PIK3CB: variants seen among roughly 807,000 people sequenced by gnomAD.
PIK3CB encodes phosphatidylinositol 4,5-bisphosphate 3-kinase catalytic subunit beta isoform.
PIK3CB carries 39 observed loss-of-function variants against 136.8 expected under a neutral mutation model. The observed-to-expected ratio is 0.29, with a 90% confidence interval of 0.22 to 0.37. The LOEUF (loss-of-function observed/expected upper bound fraction) is 0.37, where lower values mean the gene tolerates loss of function less well. PIK3CB is among the 10% of genes least tolerant of loss of function. The pLI is 1.00. For synonymous variants in PIK3CB, 428 were observed against 436.6 expected, an observed-to-expected ratio of 0.98 and a Z score of 0.25; for missense variants, 868 against 1,275.4, an observed-to-expected ratio of 0.68 and a Z score of 4.87.
chr3:138,727,757 C>A (rs1006711179), intron 8 of PIK3CB, among the ~76,000 whole-genome samples: 3 of 152,202 alleles, frequency 2.0e-5, no homozygotes, highest in Admixed American at 6.5e-5. Context: ...AAAACAAATT[C>A]TCTGAAAGAC....
intron 19 of PIK3CB, among the ~76,000 whole-genome samples, chr3:138,669,653 A>G (rs990276608): frequency 6.6e-6 from 1 of 152,164 alleles, no homozygotes; most frequent in African/African-American, 2.4e-5. Flanking sequence ...TAACACATCA[A>G]TGTCTTATAA....
chr3:138,826,028 T>C, intron 1 of PIK3CB: 1 of 1,379,120 alleles, frequency 7.3e-7, no homozygotes, highest in Non-Finnish European at 1.0e-6. Flanking sequence ...TGTACTGGAT[T>C]GTCACACAGC....
At chr3:138,788,978 A>AC (rs2046016211) in intron 2 of PIK3CB, among the ~76,000 whole-genome samples, 1 of 150,676 alleles carries the variant, frequency 6.6e-6, no homozygotes, top group Non-Finnish European at 1.5e-5. Context: ...AAAAAAAAAA[A>AC]AAAAAAAAAA....
intron 2 of PIK3CB, 111 bp from the exon 3 acceptor site, chr3:138,759,470 T>C (rs2045631302): frequency 1.6e-6 from 1 of 627,238 alleles, no homozygotes; most frequent in African/African-American, 1.8e-5. Context: ...ATATAGCCAA[T>C]AATGTAACAG....
intron 21 of PIK3CB, 125 bp downstream of exon 21, chr3:138,663,780 TG>T: frequency 3.4e-6 from 3 of 880,560 alleles, no homozygotes; most frequent in Non-Finnish European, 5.3e-6. Flanking sequence ...AGTGAGAAAT[TG>T]AAGTAAAGAC....
chr3:138,708,681 G>A (rs115354634), intron 10 of PIK3CB, among the ~76,000 whole-genome samples: 8 of 150,176 alleles, frequency 5.3e-5, no homozygotes, highest in African/African-American at 9.8e-5. Context: ...AGCCCCAAAC[G>A]ATCCTCCTGC....
At chr3:138,675,455 C>T (rs1407633868) in intron 19 of PIK3CB, among the ~76,000 whole-genome samples, 7 of 151,914 alleles carry the variant, frequency 4.6e-5, no homozygotes, top group Non-Finnish European at 1.0e-4. Flanking sequence ...ATATATATGT[C>T]CAGGATGCTC....
In PIK3CB at chr3:138,764,868, C is replaced by T. The variant is rs80044846; in HGVS notation, c.-16-5509G>A. 3.8e-3 allele frequency among the ~76,000 whole-genome samples: 574 copies of T among 152,346 alleles called. 5 individuals carry two copies. Among genetic ancestry groups the T allele is most frequent in the African/African-American group, 0.013 (551 of 41,576 alleles). Reference sequence around the variant, plus strand: ...CTCGGTGTGTCTCAAGCACCCAGGACATACCTGTGACAACACTGGAGCACA... The same window carrying T: ...CTCGGTGTGTCTCAAGCACCCAGGATATACCTGTGACAACACTGGAGCACA... On this transcript the variant is annotated intron_variant, in intron 2 of 23. Transcript: ENST00000674063.
intron 23 of PIK3CB, 67 bp downstream of exon 23, chr3:138,656,075 A>T: frequency 6.5e-7 from 1 of 1,529,922 alleles, no homozygotes; most frequent in Non-Finnish European, 9.0e-7. Flanking sequence ...CACTTGAATA[A>T]AACAGGCAGC....
Position 138,733,381 on chromosome 3 carries a change from TAA to T in PIK3CB, c.1028_1029del (p.Leu343GlnfsTer19). The T allele has an allele frequency of 1.3e-6, 2 of 1,563,148 alleles. No homozygotes were observed. The highest frequency in any genetic ancestry group is 1.8e-6 in the Non-Finnish European group (2 of 1,136,604). On this transcript the variant is annotated frameshift_variant, in exon 8 of 24. Coordinates refer to ENST00000674063, the MANE Select transcript of PIK3CB (RefSeq NM_006219.3). LOFTEE classifies it high-confidence loss of function. ...FQIVLVKGNK[L>X]NTEETVKVHV... is the part of the protein sequence containing the mutation. ...CTCACTTTTACAGTTTCCTCTGTGT[TAA>T]GTTTATTTCCCTTAACCAAGACAAT... is the stretch of plus-strand genomic sequence containing the variant.
chr3:138,798,296 C>T (rs1277635778), intron 1 of PIK3CB, among the ~76,000 whole-genome samples: 1 of 152,150 alleles, frequency 6.6e-6, no homozygotes, highest in Admixed American at 6.5e-5. Flanking sequence ...TCCCAGGTAG[C>T]TGGGACTAGA....
intron 2 of PIK3CB, among the ~76,000 whole-genome samples, chr3:138,781,302 A>C (rs2045920717): frequency 6.6e-6 from 1 of 151,758 alleles, no homozygotes; most frequent in Non-Finnish European, 1.5e-5. Context: ...AAAAAAAAAA[A>C]AAACAACAAA....
chr3:138,742,852 G>T, intron 4 of PIK3CB, 71 bp from the exon 5 acceptor site: 2 of 816,408 alleles, frequency 2.4e-6, no homozygotes, highest in African/African-American at 1.8e-5. Flanking sequence ...AGAATACAAA[G>T]TATATTCAAC....
intron 2 of PIK3CB, among the ~76,000 whole-genome samples, chr3:138,767,117 T>C (rs1411424597): frequency 1.3e-5 from 2 of 152,056 alleles, no homozygotes; most frequent in African/African-American, 4.8e-5. Flanking sequence ...GAAGTTGCAG[T>C]GAGCCAAGAT....
Position 138,684,817 on chromosome 3 carries a change from T to A in PIK3CB, c.2137-14A>T, listed in dbSNP as rs763297549. The A allele has an allele frequency of 1.3e-6, 2 of 1,591,756 alleles. No homozygotes were observed. The highest frequency in any genetic ancestry group is 2.2e-5 in the South Asian group (2 of 89,138). On this transcript the variant is annotated splice_polypyrimidine_tract_variant and intron_variant, in intron 16 of 23. Transcript: ENST00000674063. ...GAGTGCTTCAACCTGAAAAATAAGT[T>A]CCCCACACCAAAAATTCATTTGACT...
At chr3:138,681,695 T>C (rs2043785776) in intron 19 of PIK3CB, among the ~76,000 whole-genome samples, 2 of 152,308 alleles carry the variant, frequency 1.3e-5, no homozygotes, top group South Asian at 4.1e-4. Context: ...TTCAACACCA[T>C]AGGTTGGAAT....
In PIK3CB at chr3:138,700,907, T is replaced by C. The variant is rs1301903966; in HGVS notation, c.1582-1812A>G. ...AAGTGGGTGACAGCTTGATCTGAAA[T>C]AGAATGTTTACTTAGTGTCAAAATA... is the stretch of plus-strand genomic sequence containing the variant. On this transcript the variant is annotated intron_variant, in intron 12 of 23. Coordinates refer to ENST00000674063, the MANE Select transcript of PIK3CB (RefSeq NM_006219.3). 3.9e-5 allele frequency among the ~76,000 whole-genome samples: 6 copies of C among 152,148 alleles called. No homozygotes were observed. The South Asian group carries it at 8.3e-4, about 21-fold the overall frequency.
chr3:138,761,856 C>T (rs1196359568), intron 2 of PIK3CB, among the ~76,000 whole-genome samples: 4 of 151,822 alleles, frequency 2.6e-5, no homozygotes, highest in Admixed American at 1.3e-4. Context: ...AGAAGAATCA[C>T]TTGAACCAGG....
intron 1 of PIK3CB, among the ~76,000 whole-genome samples, chr3:138,808,109 T>A (rs2046253972): frequency 6.6e-6 from 1 of 152,142 alleles, no homozygotes; most frequent in African/African-American, 2.4e-5. Context: ...TTTCTCCCTA[T>A]GACATATGGT....
Sources: gnomAD v4.1 joint callset for allele counts (sites outside exome capture counted in the v4.1 genomes callset) on GRCh38, gnomAD v4.1.1 for gene constraint, MANE v1.5 for transcripts, NCBI Gene and HGNC (gene_info 2026-07-23, HGNC 2026-07-21) for gene names.